SLC23A2: variants seen among roughly 807,000 people sequenced by gnomAD.
SLC23A2 encodes the protein solute carrier family 23 member 2.
Under a neutral mutation model 73.3 loss-of-function variants are expected in SLC23A2, and 36 were observed. The observed-to-expected ratio is 0.49, with a 90% confidence interval of 0.38 to 0.65. The LOEUF (loss-of-function observed/expected upper bound fraction) is 0.65. SLC23A2 is among the 30% of genes least tolerant of loss of function. The pLI is 0.00. For missense variants in SLC23A2, 507 were observed against 841.6 expected, an observed-to-expected ratio of 0.60 and a Z score of 4.92; for synonymous variants, 343 against 327.3, an observed-to-expected ratio of 1.05 and a Z score of -0.52.
At chr20:4,925,846 C>T (rs1372507397) in intron 3 of SLC23A2, among the ~76,000 whole-genome samples, 2 of 152,172 alleles carry the variant, frequency 1.3e-5, no homozygotes, top group African/African-American at 4.8e-5. Context: ...ATGTTATCTC[C>T]CCTGGGAACC....
chr20:4,892,464 G>C (rs1324134532), intron 6 of SLC23A2, among the ~76,000 whole-genome samples: 2 of 152,170 alleles, frequency 1.3e-5, no homozygotes, highest in African/African-American at 4.8e-5. Context: ...TGGGATTACA[G>C]GCATGAGCCA....
intron 8 of SLC23A2, among the ~76,000 whole-genome samples, chr20:4,884,188 C>A (rs1169645720): frequency 6.6e-6 from 1 of 152,152 alleles, no homozygotes; most frequent in African/African-American, 2.4e-5. Flanking sequence ...AGAGTGAGCC[C>A]CCCAGGACAT....
Position 4,862,986 on chromosome 20 carries a change from C to T in SLC23A2, c.1357-79G>A, listed in dbSNP as rs1211622374. The T allele has an allele frequency of 2.2e-5, 31 of 1,438,936 alleles. No homozygotes were observed. Among genetic ancestry groups the T allele is most frequent in the Non-Finnish European group, 2.6e-5 (27 of 1,048,462 alleles). The allele number at this position is 1,438,936 out of a possible 1,614,324, so 89.1% of individuals were successfully genotyped here. A position where few individuals can be genotyped will look rare whatever the true frequency, so the allele number is the denominator to read the frequency against. ...CCGTAAGTTACTAAAGAACACACAG[C>T]AGAGATACCCATGGCCTGGCTCGCT... On this transcript the variant is annotated intron_variant, in intron 13 of 16. Transcript: ENST00000338244. The surrounding 1 kb of genome is among the most constrained non-coding windows in gnomAD (Gnocchi z 5.1).
intron 3 of SLC23A2, among the ~76,000 whole-genome samples, chr20:4,923,945 A>G (rs1302690423): frequency 6.6e-6 from 1 of 152,194 alleles, no homozygotes; most frequent in Non-Finnish European, 1.5e-5. Flanking sequence ...ACCTCCCTAC[A>G]TCTTTCTGCC....
At chr20:4,972,253 C>A (rs1026142401) in intron 1 of SLC23A2, among the ~76,000 whole-genome samples, 2 of 151,988 alleles carry the variant, frequency 1.3e-5, no homozygotes, top group African/African-American at 4.8e-5. Flanking sequence ...TGTTCTTGGG[C>A]AAGTTAGCAT....
Position 4,867,866 on chromosome 20 carries a change from G to T in SLC23A2, c.1260C>A (p.Phe420Leu). 1 of 1,593,458 alleles carries T rather than the reference G, an allele frequency of 6.3e-7. No homozygotes were observed. The highest frequency in any genetic ancestry group is 8.6e-7 in the Non-Finnish European group (1 of 1,161,698). Residue 420 changes from phenylalanine (F) to leucine (L), a missense_variant, in exon 13 of 17, where the codon TTC (phenylalanine) becomes TTA (leucine). Physicochemically the swap from Phe to Leu is conservative, Grantham distance 22. Around this residue, in one of 5 missense-constraint regions of SLC23A2, gnomAD observed 168 missense variants for 302.3 expected, o/e 0.56. Coordinates refer to ENST00000338244, the MANE Select transcript of SLC23A2 (RefSeq NM_005116.6). The stretch of plus-strand genomic sequence containing the variant: ...CAAGAACACAGGAGAGGCCTTCCAC[G>T]AAAATTCCCCTAAGATGTAAAGGAA... Reference protein sequence around the residue: ...PPIHAINRGIFVEGLSCVLDG... With the variant: ...PPIHAINRGILVEGLSCVLDG...
At chr20:4,877,023 G>A (rs1930683133) in intron 9 of SLC23A2, among the ~76,000 whole-genome samples, 1 of 151,978 alleles carries the variant, frequency 6.6e-6, no homozygotes, top group Non-Finnish European at 1.5e-5. Context: ...CATACCAGGG[G>A]ACGGGGGAGG....
chr20:4,960,789 C>T (rs1256783552), intron 2 of SLC23A2, among the ~76,000 whole-genome samples: 1 of 152,194 alleles, frequency 6.6e-6, no homozygotes, highest in Non-Finnish European at 1.5e-5. Flanking sequence ...TGAAATGTTT[C>T]AATTTCCTTA....
At position 4,874,034 on chromosome 20, in the gene SLC23A2, A is replaced by T. The variant is rs1825385083; in HGVS notation, c.1004T>A (p.Val335Asp). The T allele has an allele frequency of 1.9e-6, 3 of 1,614,162 alleles. No individual in the cohort carries two copies. Among genetic ancestry groups the T allele is most frequent in the Non-Finnish European group, 2.5e-6 (3 of 1,180,010 alleles). The change falls in exon 11 of 17, where the codon GTC (valine) becomes GAC (aspartate). Residue 335 changes from valine to aspartate, a missense_variant. This residue lies in a region of SLC23A2 where 217 missense variants were observed against 398.0 expected (regional missense o/e 0.55). Coordinates refer to ENST00000338244, the MANE Select transcript of SLC23A2 (RefSeq NM_005116.6). ...ATACTTTGTGCTGTCGGGAGGGAAG[A>T]CATCTGTCACCGTGAAGATGAAGCA... ...LLCFIFTVTDVFPPDSTKYGF... is the reference protein window; with the variant it reads ...LLCFIFTVTDDFPPDSTKYGF...
chr20:4,961,762 A>C (rs1600177201), intron 2 of SLC23A2, among the ~76,000 whole-genome samples: 1 of 152,148 alleles, frequency 6.6e-6, no homozygotes, highest in African/African-American at 2.4e-5. Context: ...GTATCACATC[A>C]CTTCTAAAAT....
At chr20:4,954,796 GT>G (rs138174551) in intron 2 of SLC23A2, among the ~76,000 whole-genome samples, 3,880 of 151,550 alleles carry the variant, frequency 0.026, 165 homozygotes, top group African/African-American at 0.089. Flanking sequence ...CATTACACAT[GT>G]TAAGAAAAAA....
Position 4,979,226 on chromosome 20 carries a change from G to T in SLC23A2, c.-281-8307C>A, listed in dbSNP as rs183750567. On this transcript the variant is annotated intron_variant, in intron 1 of 16. Coordinates refer to ENST00000338244, the MANE Select transcript of SLC23A2 (RefSeq NM_005116.6). ...GAGAATCGCTTGAACCCGGGAGGCG[G>T]AGGTTACAGTGAACCGAGATCACAC... is the stretch of plus-strand genomic sequence containing the variant. 4.8e-4 allele frequency among the ~76,000 whole-genome samples: 73 copies of T among 152,074 alleles called. 1 individual carries two copies. In the East Asian group the frequency reaches 0.014, roughly 28 times the overall value.
intron 11 of SLC23A2, 25 bp downstream of exon 11, chr20:4,873,911 C>A: frequency 6.2e-7 from 1 of 1,600,598 alleles, no homozygotes; most frequent in Non-Finnish European, 8.5e-7. Context: ...GGGCTCTTGA[C>A]CCCTCTAGCC....
rs114205203 is a variant in SLC23A2, at chr20:4,923,682, G to A, written c.108+8773C>T. ...TATTACCATCCAACTGAGACTTTTC[G>A]TTTTAAGATCTAAGTACTCCAAACT... On this transcript the variant is annotated intron_variant, in intron 3 of 16. Transcript: ENST00000338244. Among the ~76,000 whole-genome samples, 1,477 of 152,154 alleles carry A rather than the reference G, an allele frequency of 9.7e-3. 18 individuals carry two copies. The highest frequency in any genetic ancestry group is 0.034 in the African/African-American group (1,408 of 41,522).
Position 4,897,652 on chromosome 20 carries a change from T to TGCCCACTA in SLC23A2, c.482+1902_482+1903insTAGTGGGC, listed in dbSNP as rs1931594247. Among the ~76,000 whole-genome samples, 3 of 152,184 alleles carry TGCCCACTA rather than the reference T, an allele frequency of 2.0e-5. No homozygotes were observed. The South Asian group carries it at 6.2e-4, about 32-fold the overall frequency. On this transcript the variant is annotated intron_variant, in intron 6 of 16. Transcript: ENST00000338244. Reference sequence around the variant, plus strand: ...CCCAGGTAGTTCTGTTTAGGTCTTGTGCCCCAACAGTGGGCAAGATGATGC... The same window carrying TGCCCACTA: ...CCCAGGTAGTTCTGTTTAGGTCTTGTGCCCACTAGCCCCAACAGTGGGCAAGATGATGC...
rs547208292 is a variant in SLC23A2, at chr20:4,900,389, A to G, written c.325-677T>C. Among the ~76,000 whole-genome samples the G allele has an allele frequency of 3.3e-5, 5 of 152,322 alleles. No individual in the cohort carries two copies. The East Asian group carries it at 5.8e-4, about 18-fold the overall frequency. On this transcript the variant is annotated intron_variant, in intron 5 of 16. Transcript: ENST00000338244. ...TAAGGCCTTTCTCCTCTAATCTGTTATCATGAATTGTGATGTGCTGAACTA... is the reference window on the plus strand; with the variant it reads ...TAAGGCCTTTCTCCTCTAATCTGTTGTCATGAATTGTGATGTGCTGAACTA...
chr20:4,956,591 T>G (rs937731228), intron 2 of SLC23A2, among the ~76,000 whole-genome samples: 1 of 152,030 alleles, frequency 6.6e-6, no homozygotes, highest in Admixed American at 6.6e-5. Flanking sequence ...CATTAAGAGG[T>G]GTCAGAGGCA....
At chr20:4,866,825 G>T (rs1930217972) in intron 13 of SLC23A2, among the ~76,000 whole-genome samples, 1 of 152,126 alleles carries the variant, frequency 6.6e-6, no homozygotes, top group South Asian at 2.1e-4. Context: ...AGGTCAACCA[G>T]TTCTAGAAGG....
chr20:4,930,497 C>T (rs149520006), intron 3 of SLC23A2, among the ~76,000 whole-genome samples: 171 of 152,230 alleles, frequency 1.1e-3, no homozygotes, highest in African/African-American at 3.6e-3. Context: ...AAAGTGTGAA[C>T]GAAAGCAGTC....
Sources: allele counts gnomAD v4.1 joint callset (sites outside exome capture counted in the v4.1 genomes callset), GRCh38; gene constraint gnomAD v4.1.1; regional missense constraint gnomAD v4.1.1; non-coding constraint Gnocchi (gnomAD v3.1); transcripts MANE v1.5; gene names NCBI Gene and HGNC (gene_info 2026-07-23, HGNC 2026-07-21).